The following HUNK variants were observed in gnomAD, a reference collection of about 807,000 sequenced individuals.
HUNK encodes hormonally up-regulated neu tumor-associated kinase.
In HUNK, 21 loss-of-function variants were observed where a neutral mutation model predicts 61.0. The ratio of observed to expected loss-of-function variants is 0.34; its 90% confidence interval spans 0.24 to 0.50. The LOEUF (loss-of-function observed/expected upper bound fraction) is 0.50, where lower values mean the gene tolerates loss of function less well. Ranked by LOEUF, HUNK falls within the 20% of genes least tolerant of loss-of-function variation. HUNK has a pLI of 0.98. For synonymous variants in HUNK, 371 were observed against 386.1 expected (o/e 0.96, Z 0.46); for missense variants, 772 against 945.7 (o/e 0.82, Z 2.41).
chr21:31,916,043 CTTTTT>C (rs34245381), intron 1 of HUNK, among the ~76,000 whole-genome samples: 3 of 81,762 alleles, frequency 3.7e-5, no homozygotes, highest in South Asian at 5.5e-4. Flanking sequence ...TAAGTGCTTT[CTTTTT>C]TTTTTTTTTT....
intron 7 of HUNK, among the ~76,000 whole-genome samples, chr21:31,979,368 C>T (rs1165078512): frequency 2.6e-5 from 4 of 151,448 alleles, no homozygotes; most frequent in South Asian, 2.1e-4. Context: ...CTGCCTGCCT[C>T]GGCCTCCCAA....
chr21:31,956,974 T>C (rs1407757925), intron 4 of HUNK, among the ~76,000 whole-genome samples: 1 of 152,166 alleles, frequency 6.6e-6, no homozygotes, highest in Non-Finnish European at 1.5e-5. Flanking sequence ...TTATGCACTT[T>C]TTATCTCTCC....
intron 8 of HUNK, among the ~76,000 whole-genome samples, chr21:31,985,392 C>T (rs112554725): frequency 1.3e-5 from 2 of 152,154 alleles, no homozygotes; most frequent in South Asian, 4.1e-4. Context: ...GTTACTGGGG[C>T]CCACACTGGG....
At position 31,958,968 on chromosome 21, in the gene HUNK, C is replaced by T. The variant is rs2052909041; in HGVS notation, c.872C>T (p.Thr291Ile). 1 of 1,600,724 alleles carries T rather than the reference C, an allele frequency of 6.2e-7. No individual in the cohort carries two copies. The highest frequency in any genetic ancestry group is 8.5e-7 in the Non-Finnish European group (1 of 1,174,988). ...EMNPLPTQLS[T>I]GAISFLRSLL... ...AACCCCCTCCCCACTCAGCTCTCCACAGGTAATGCACCAGCTGCTCTAGAT... is the reference window on the plus strand; with the variant it reads ...AACCCCCTCCCCACTCAGCTCTCCATAGGTAATGCACCAGCTGCTCTAGAT... Residue 291 changes from threonine to isoleucine, a missense_variant and splice_region_variant, in exon 5 of 11, where the codon ACA becomes ATA. Physicochemically the swap from Thr to Ile is moderately conservative, Grantham distance 89. Transcript: ENST00000270112.
At position 31,893,614 on chromosome 21, in the gene HUNK, ACCT is replaced by A. The variant is rs569200063; in HGVS notation, c.261+19683_261+19685del. ...TGATACTGGAATCCTTACTGGCCTC[ACCT>A]CCTTGTCACCTTTTTGCCACTGAGC... On this transcript the variant is annotated intron_variant, in intron 1 of 10. Coordinates refer to ENST00000270112, the MANE Select transcript of HUNK (RefSeq NM_014586.2). Among the ~76,000 whole-genome samples the A allele has an allele frequency of 2.0e-3, 311 of 152,072 alleles. 1 individual carries two copies. Among genetic ancestry groups the A allele is most frequent in the Non-Finnish European group, 3.4e-3 (228 of 67,986 alleles).
chr21:31,907,417 C>T (rs897198338), intron 1 of HUNK, among the ~76,000 whole-genome samples: 1 of 152,154 alleles, frequency 6.6e-6, no homozygotes, highest in Non-Finnish European at 1.5e-5. Flanking sequence ...GGAAATGTAA[C>T]ATGACTTATG....
intron 1 of HUNK, among the ~76,000 whole-genome samples, chr21:31,919,449 A>C (rs529276138): frequency 1.7e-4 from 26 of 152,156 alleles, no homozygotes; most frequent in Non-Finnish European, 3.1e-4. Context: ...ATGCACCCTT[A>C]AGCCTGGCAT....
rs1319759168 is a variant in HUNK, at chr21:31,905,140, T to G, written c.262-19328T>G. 3.3e-5 allele frequency among the ~76,000 whole-genome samples: 5 copies of G among 150,974 alleles called. No individual in the cohort carries two copies. In the South Asian group the frequency reaches 1.0e-3, roughly 32 times the overall value. The stretch of plus-strand genomic sequence containing the variant: ...CCTGTGGGTGGGCCTCGATCCAATC[T>G]AATTGGTGTCTTTATAAGAAGAGGA... On this transcript the variant is annotated intron_variant, in intron 1 of 10. Coordinates refer to ENST00000270112, the MANE Select transcript of HUNK (RefSeq NM_014586.2).
rs142124767 is a variant in HUNK at position 31,943,623 on chromosome 21, C to T, written c.611-2413C>T. On this transcript the variant is annotated intron_variant, in intron 3 of 10. Coordinates refer to ENST00000270112, the MANE Select transcript of HUNK (RefSeq NM_014586.2). ...GTTGCTTAACATGCAGATTCTCTCT[C>T]TTCCACCTCCCAGATCCTCTGCTAA... is the stretch of plus-strand genomic sequence containing the variant. 2.0e-5 allele frequency among the ~76,000 whole-genome samples: 3 copies of T among 152,368 alleles called. No homozygotes were observed. The East Asian group carries it at 5.8e-4, about 29-fold the overall frequency.
chr21:31,934,895 T>A (rs746389357), intron 2 of HUNK, among the ~76,000 whole-genome samples: 1 of 152,220 alleles, frequency 6.6e-6, no homozygotes, highest in Non-Finnish European at 1.5e-5. Context: ...CCGTTTTCTT[T>A]ACCCAGTCCA....
intron 9 of HUNK, among the ~76,000 whole-genome samples, chr21:31,991,212 AACAAAACCCC>A (rs1489580973): frequency 6.6e-6 from 1 of 151,960 alleles, no homozygotes; most frequent in Non-Finnish European, 1.5e-5. Context: ...CTAATTTATG[AACAAAACCCC>A]ACCTTTTTTT....
rs949575191 is a variant in HUNK at position 31,989,462 on chromosome 21, C to T, written c.1258-667C>T. 2.6e-5 allele frequency among the ~76,000 whole-genome samples: 4 copies of T among 152,200 alleles called. No homozygotes were observed. The East Asian group carries it at 7.7e-4, about 29-fold the overall frequency. On this transcript the variant is annotated intron_variant, in intron 8 of 10. Coordinates refer to ENST00000270112, the MANE Select transcript of HUNK (RefSeq NM_014586.2). ...GGGCTCAGTGCTCATGCCTGTAATC[C>T]CAGAACTTTGGGAGGCCAAGATGGG...
In HUNK at chr21:31,940,222, T is replaced by C; in HGVS notation, c.610+2T>C. ...AAGACAATAATATCAAGCTGATTGGTATGACTTTTTTTTTTTTTTAAGCAA... is the reference window on the plus strand; with the variant it reads ...AAGACAATAATATCAAGCTGATTGGCATGACTTTTTTTTTTTTTTAAGCAA... On this transcript the variant is annotated splice_donor_variant, in intron 3 of 10. Coordinates refer to ENST00000270112, the MANE Select transcript of HUNK (RefSeq NM_014586.2). LOFTEE classifies it high-confidence loss of function. The C allele has an allele frequency of 6.4e-7, 1 of 1,568,038 alleles. No homozygotes were observed. The highest frequency in any genetic ancestry group is 8.7e-7 in the Non-Finnish European group (1 of 1,154,204).
intron 1 of HUNK, among the ~76,000 whole-genome samples, chr21:31,908,125 A>T (rs1011073792): frequency 6.6e-6 from 1 of 152,184 alleles, no homozygotes; most frequent in Non-Finnish European, 1.5e-5. Context: ...GCATTTAAAG[A>T]ATGAAAATTT....
intron 1 of HUNK, among the ~76,000 whole-genome samples, chr21:31,890,385 T>G (rs906958481): frequency 6.6e-6 from 1 of 152,102 alleles, no homozygotes; most frequent in East Asian, 1.9e-4. Context: ...CCCACCTCCG[T>G]GCCCAGCTAA....
At chr21:31,880,744 C>G (rs1027635113) in intron 1 of HUNK, among the ~76,000 whole-genome samples, 9 of 152,174 alleles carry the variant, frequency 5.9e-5, no homozygotes, top group African/African-American at 2.2e-4. Flanking sequence ...GAGCATAGTT[C>G]AAGCTCCAGC....
chr21:31,976,363 G>A (rs2053048944), intron 7 of HUNK, among the ~76,000 whole-genome samples: 1 of 151,494 alleles, frequency 6.6e-6, no homozygotes, highest in Non-Finnish European at 1.5e-5. Context: ...GTATCACACA[G>A]CAGTTCTCTG....
chr21:31,993,421 G>T (rs764459420), intron 9 of HUNK, among the ~76,000 whole-genome samples: 1 of 152,202 alleles, frequency 6.6e-6, no homozygotes. Context: ...TTTGCTGATC[G>T]ATTTAAAAAG....
At chr21:31,927,293 A>G (rs1349139758) in intron 2 of HUNK, among the ~76,000 whole-genome samples, 1 of 151,860 alleles carries the variant, frequency 6.6e-6, no homozygotes, top group Non-Finnish European at 1.5e-5. Flanking sequence ...CACCCTCCTC[A>G]GCCACACCCA....
Sources: allele counts gnomAD v4.1 joint callset (sites outside exome capture counted in the v4.1 genomes callset), GRCh38; gene constraint gnomAD v4.1.1; transcripts MANE v1.5; gene names NCBI Gene and HGNC (gene_info 2026-07-23, HGNC 2026-07-21).